TMEM132C: variants seen among roughly 807,000 people sequenced by gnomAD.
The protein encoded by TMEM132C is transmembrane protein 132C.
In TMEM132C, 29 loss-of-function variants were observed where a neutral mutation model predicts 61.4. The ratio of observed to expected loss-of-function variants is 0.47; its 90% CI spans 0.35 to 0.64. The LOEUF (loss-of-function observed/expected upper bound fraction) is 0.64. TMEM132C is among the 30% of genes least tolerant of loss of function. The pLI, the probability that TMEM132C is intolerant of heterozygous loss-of-function variation, is 0.00. For synonymous variants in TMEM132C, 656 were observed against 633.1 expected, an observed-to-expected ratio of 1.04 and a Z score of -0.54; for missense variants, 1,408 against 1,476.9, an observed-to-expected ratio of 0.95 and a Z score of 0.76.
chr12:128,365,941 A>T (rs1274633326), intron 1 of TMEM132C, among the ~76,000 whole-genome samples: 1 of 152,160 alleles, frequency 6.6e-6, no homozygotes, highest in Admixed American at 6.5e-5. Flanking sequence ...AGGAAGGGCC[A>T]CTTTTTCATT....
intron 1 of TMEM132C, among the ~76,000 whole-genome samples, chr12:128,268,342 CG>C: frequency 6.6e-6 from 1 of 152,312 alleles, no homozygotes; most frequent in East Asian, 1.9e-4. Flanking sequence ...CGTGTGCGGC[CG>C]AGTGGCCGCG....
chr12:128,693,835 G>C lies in TMEM132C; in HGVS notation c.1456G>C (p.Glu486Gln). The C allele has an allele frequency of 2.6e-6, 4 of 1,551,744 alleles. No homozygotes were observed. Among genetic ancestry groups the C allele is most frequent in the Non-Finnish European group, 3.5e-6 (4 of 1,147,006 alleles). The change falls in exon 6 of 9, where the codon GAG (glutamate) becomes CAG (glutamine). Residue 486 changes from glutamate (E) to glutamine (Q), a missense_variant. Coordinates refer to ENST00000435159, the MANE Select transcript of TMEM132C (RefSeq NM_001136103.3). ...TCTCCCTCTGTCTTTGCAGGTGTCT[G>C]AGCGCTGTGACTACATCTTTGTCAA... ...STDEDVIKVSERCDYIFVNGK... is the reference protein window; with the variant it reads ...STDEDVIKVSQRCDYIFVNGK...
intron 2 of TMEM132C, among the ~76,000 whole-genome samples, chr12:128,480,090 T>G (rs1871273232): frequency 6.6e-6 from 1 of 152,090 alleles, no homozygotes; most frequent in South Asian, 2.1e-4. Flanking sequence ...GGACCACATC[T>G]CTACAAAAAT....
At chr12:128,500,152 C>G (rs2136107929) in intron 2 of TMEM132C, among the ~76,000 whole-genome samples, 1 of 152,238 alleles carries the variant, frequency 6.6e-6, no homozygotes, top group East Asian at 1.9e-4. Context: ...ACTGGTTATC[C>G]TCAGGCAAAA....
rs1186085463 is a variant in TMEM132C at position 128,267,252 on chromosome 12, C to T, written c.-151C>T. 2.8e-5 allele frequency: 8 copies of T among 285,220 alleles called. No individual in the cohort carries two copies. Among genetic ancestry groups the T allele is most frequent in the Middle Eastern group, 1.7e-3 (1 of 572 alleles). 17.7% of individuals were successfully genotyped at this position (285,220 alleles called of 1,614,324 possible). A position where few individuals can be genotyped will look rare whatever the true frequency, so the allele number is the denominator to read the frequency against. ...AGCCGGAGCTGCGGCGGCGTGGACC[C>T]GGCAGGGGCGGGCCTCGGACAGCAG... On this transcript the variant is annotated 5_prime_UTR_variant, in exon 1 of 9. Coordinates refer to ENST00000435159, the MANE Select transcript of TMEM132C (RefSeq NM_001136103.3).
intron 1 of TMEM132C, among the ~76,000 whole-genome samples, chr12:128,353,098 T>C (rs1317270063): frequency 6.6e-6 from 1 of 152,004 alleles, no homozygotes; most frequent in Admixed American, 6.6e-5. Flanking sequence ...TATAACAAAG[T>C]AGAGAAATAC....
intron 4 of TMEM132C, among the ~76,000 whole-genome samples, chr12:128,631,859 A>G (rs1271532370): frequency 2.0e-5 from 3 of 152,160 alleles, no homozygotes; most frequent in Non-Finnish European, 4.4e-5. Context: ...TCCAGCAAAA[A>G]TCCCAGGATT....
At chr12:128,688,277 C>A (rs1047056454) in intron 5 of TMEM132C, among the ~76,000 whole-genome samples, 2 of 152,140 alleles carry the variant, frequency 1.3e-5, no homozygotes, top group African/African-American at 4.8e-5. Context: ...TGAAACGGTC[C>A]AGTCAAATCT....
At chr12:128,394,797 CTT>C (rs1047524032) in intron 1 of TMEM132C, among the ~76,000 whole-genome samples, 2 of 151,788 alleles carry the variant, frequency 1.3e-5, no homozygotes, top group Non-Finnish European at 2.9e-5. Flanking sequence ...TATCTGGTCT[CTT>C]TTCAGCCAGC....
intron 4 of TMEM132C, among the ~76,000 whole-genome samples, chr12:128,623,880 A>G (rs1411998952): frequency 1.3e-5 from 2 of 152,204 alleles, no homozygotes; most frequent in Non-Finnish European, 2.9e-5. Flanking sequence ...TACATAAGCA[A>G]TAAGAAGAAG....
Position 128,706,155 on chromosome 12 carries a change from C to T in TMEM132C, c.3187C>T (p.Pro1063Ser), listed in dbSNP as rs748902558. Residue 1063 changes from proline to serine, a missense_variant, in exon 9 of 9, where the codon CCC (proline) becomes TCC (serine). Physicochemically the swap from Pro to Ser is moderately conservative, Grantham distance 74 (BLOSUM62 -1). Coordinates refer to ENST00000435159, the MANE Select transcript of TMEM132C (RefSeq NM_001136103.3). ...GAAATTTACCACCTTTACCACCATC[C>T]CCCCGGACGACAGCTGCCCCACGGT... ...KVKFTTFTTI[P>S]PDDSCPTVNS... The T allele has an allele frequency of 1.2e-5, 19 of 1,551,038 alleles. No individual in the cohort carries two copies. The South Asian group carries it at 2.0e-4, about 17-fold the overall frequency.
intron 3 of TMEM132C, among the ~76,000 whole-genome samples, chr12:128,562,204 T>A (rs762939026): frequency 6.6e-5 from 10 of 152,278 alleles, no homozygotes; most frequent in Middle Eastern, 6.8e-3. Flanking sequence ...GCCTCTTAAG[T>A]TGGCAAAATA....
At chr12:128,655,320 G>T (rs574233847) in intron 4 of TMEM132C, among the ~76,000 whole-genome samples, 36 of 152,298 alleles carry the variant, frequency 2.4e-4, no homozygotes, top group Non-Finnish European at 5.9e-5. Flanking sequence ...TTACTGGGTG[G>T]AATTGCAAGA....
chr12:128,618,638 T>C (rs931232552), intron 4 of TMEM132C, among the ~76,000 whole-genome samples: 16 of 152,314 alleles, frequency 1.1e-4, no homozygotes, highest in African/African-American at 3.8e-4. Flanking sequence ...CTCATGAATG[T>C]GAATAAGTCT....
At chr12:128,655,346 G>A (rs1954315315) in intron 4 of TMEM132C, among the ~76,000 whole-genome samples, 1 of 152,272 alleles carries the variant, frequency 6.6e-6, no homozygotes, top group Middle Eastern at 3.4e-3. Context: ...CCCCTGCAAT[G>A]CCTCTGTGTT....
intron 4 of TMEM132C, among the ~76,000 whole-genome samples, chr12:128,663,290 G>C (rs181722224): frequency 6.6e-6 from 1 of 152,174 alleles, no homozygotes; most frequent in Non-Finnish European, 1.5e-5. Context: ...ATGCCGTTCT[G>C]TCTGCGGATT....
chr12:128,307,204 C>T (rs940754889), intron 1 of TMEM132C, among the ~76,000 whole-genome samples: 2 of 152,170 alleles, frequency 1.3e-5, no homozygotes, highest in Non-Finnish European at 2.9e-5. Context: ...GTTTCATAGA[C>T]TTACCCTCCC....
chr12:128,595,917 T>C (rs993070378), intron 3 of TMEM132C, among the ~76,000 whole-genome samples: 5 of 152,134 alleles, frequency 3.3e-5, no homozygotes, highest in African/African-American at 1.2e-4. Context: ...AAGGGCAATT[T>C]CCCAGGAAAA....
chr12:128,459,328 A>G (rs1870450810), intron 2 of TMEM132C, among the ~76,000 whole-genome samples: 1 of 152,222 alleles, frequency 6.6e-6, no homozygotes, highest in Admixed American at 6.5e-5. Context: ...AGCCTCCCTC[A>G]GGAGCCTGGT....
Sources: allele counts gnomAD v4.1 joint callset (sites outside exome capture counted in the v4.1 genomes callset), GRCh38; gene constraint gnomAD v4.1.1; transcripts MANE v1.5; gene names NCBI Gene and HGNC (gene_info 2026-07-23, HGNC 2026-07-21).